Variants in GALNT13 observed in about 807,000 individuals in gnomAD.
GALNT13 encodes the protein UDP-GalNAc:polypeptide N-acetylgalactosaminyltransferase 13.
Under a neutral mutation model 64.2 loss-of-function variants are expected in GALNT13, and 28 were observed. The observed-to-expected ratio is 0.44, with a 90% confidence interval of 0.32 to 0.60. The LOEUF (loss-of-function observed/expected upper bound fraction) is 0.60, where lower values mean the gene tolerates loss of function less well. Among genes scored for constraint, GALNT13 ranks in the 20% least tolerant of loss-of-function variants. The probability of loss-of-function intolerance (pLI) is 0.05; values close to 1 mark genes in which losing one functional copy is unlikely to be tolerated. For synonymous variants in GALNT13, 214 were observed against 224.6 expected (o/e 0.95, Z 0.42); for missense variants, 577 against 669.8 (o/e 0.86, Z 1.53).
chr2:153,916,140 C>A (rs538279011), intron 2 of GALNT13, among the ~76,000 whole-genome samples: 1 of 139,508 alleles, frequency 7.2e-6, no homozygotes, highest in South Asian at 2.3e-4. Context: ...TCCTTCCTTC[C>A]TTCCTTCCTT....
At chr2:153,908,523 G>C (rs1400294732) in intron 2 of GALNT13, among the ~76,000 whole-genome samples, 1 of 151,936 alleles carries the variant, frequency 6.6e-6, no homozygotes, top group Non-Finnish European at 1.5e-5. Flanking sequence ...TATAGTTTTG[G>C]GTTTTACATT....
chr2:153,222,582 C>T, the GALNT13 span, among the ~76,000 whole-genome samples: 1 of 152,146 alleles, frequency 6.6e-6, no homozygotes, highest in Non-Finnish European at 1.5e-5. Flanking sequence ...ACATGTCATC[C>T]ATGGTCCACT....
chr2:153,234,404 AG>A, the GALNT13 span, among the ~76,000 whole-genome samples: 5 of 152,158 alleles, frequency 3.3e-5, no homozygotes, highest in Non-Finnish European at 2.9e-5. Flanking sequence ...CAGTGAGAGC[AG>A]GGCTGTGGCA....
At chr2:154,208,220 T>C (rs980132776) in intron 4 of GALNT13, among the ~76,000 whole-genome samples, 4 of 152,200 alleles carry the variant, frequency 2.6e-5, no homozygotes, top group African/African-American at 4.8e-5. Flanking sequence ...TAACTTGTTC[T>C]TTTTGTCTGG....
the GALNT13 span, among the ~76,000 whole-genome samples, chr2:153,541,417 CGACT>C: frequency 6.6e-6 from 1 of 152,062 alleles, no homozygotes; most frequent in African/African-American, 2.4e-5. Flanking sequence ...ATGGACTAAT[CGACT>C]GACTTTCTCT....
chr2:154,429,988 GA>G (rs1214819501), intron 11 of GALNT13, among the ~76,000 whole-genome samples: 1 of 151,874 alleles, frequency 6.6e-6, no homozygotes, highest in Non-Finnish European at 1.5e-5. Context: ...TATTTCTGAG[GA>G]AAAAAAGATT....
At chr2:153,716,404 T>C in the GALNT13 span, among the ~76,000 whole-genome samples, 1 of 152,160 alleles carries the variant, frequency 6.6e-6, no homozygotes, top group Non-Finnish European at 1.5e-5. Flanking sequence ...GTGTATTTTA[T>C]GAGTGACCCA....
chr2:153,542,198 T>A, the GALNT13 span, among the ~76,000 whole-genome samples: 44,877 of 151,844 alleles, frequency 0.3, 6,942 homozygotes, highest in South Asian at 0.45. Flanking sequence ...CACAGGTCTG[T>A]AATCCCAGCT....
At chr2:153,671,820 A>C in the GALNT13 span, among the ~76,000 whole-genome samples, 1 of 152,176 alleles carries the variant, frequency 6.6e-6, no homozygotes, top group Non-Finnish European at 1.5e-5. Flanking sequence ...TCATGTGCAA[A>C]GACACACGTA....
chr2:153,102,696 C>A, the GALNT13 span, among the ~76,000 whole-genome samples: 1 of 152,144 alleles, frequency 6.6e-6, no homozygotes. Context: ...CCCGAAACAG[C>A]TATTACTTAT....
chr2:154,204,314 C>T (rs1687325109), intron 4 of GALNT13, among the ~76,000 whole-genome samples: 1 of 151,902 alleles, frequency 6.6e-6, no homozygotes, highest in Non-Finnish European at 1.5e-5. Context: ...CAAGTTTTTC[C>T]CTCTAAAATA....
intron 3 of GALNT13, among the ~76,000 whole-genome samples, chr2:154,015,283 T>C (rs1696928759): frequency 6.6e-6 from 1 of 152,226 alleles, no homozygotes; most frequent in Non-Finnish European, 1.5e-5. Flanking sequence ...TAAGTTGTAT[T>C]TGAAAAAATA....
chr2:153,266,971 C>T, the GALNT13 span, among the ~76,000 whole-genome samples: 2 of 152,238 alleles, frequency 1.3e-5, no homozygotes, highest in African/African-American at 2.4e-5. Flanking sequence ...AAGTCAGTTA[C>T]TTCCAAGATA....
chr2:154,098,746 G>T (rs1702197900), intron 3 of GALNT13, among the ~76,000 whole-genome samples: 1 of 151,966 alleles, frequency 6.6e-6, no homozygotes, highest in Non-Finnish European at 1.5e-5. Context: ...TGCTGCAAAG[G>T]ACATGATTTT....
chr2:153,228,418 T>C, the GALNT13 span, among the ~76,000 whole-genome samples: 1 of 152,222 alleles, frequency 6.6e-6, no homozygotes, highest in Non-Finnish European at 1.5e-5. Context: ...TATATTACAA[T>C]GATACAGACA....
At chr2:153,918,440 A>G (rs1689539599) in intron 2 of GALNT13, among the ~76,000 whole-genome samples, 1 of 151,996 alleles carries the variant, frequency 6.6e-6, no homozygotes, top group African/African-American at 2.4e-5. Context: ...CCACAGTTTC[A>G]TTTTCATAGC....
chr2:154,015,019 A>G (rs1339810737), intron 3 of GALNT13, among the ~76,000 whole-genome samples: 1 of 152,232 alleles, frequency 6.6e-6, no homozygotes, highest in African/African-American at 2.4e-5. Context: ...ATTGAATAGA[A>G]AAATAAAACA....
At chr2:153,647,598 G>C in the GALNT13 span, among the ~76,000 whole-genome samples, 3 of 152,102 alleles carry the variant, frequency 2.0e-5, no homozygotes, top group Non-Finnish European at 4.4e-5. Context: ...TATGGTTTTA[G>C]GTCTAACATT....
the GALNT13 span, among the ~76,000 whole-genome samples, chr2:153,635,836 A>C: frequency 7.7e-4 from 118 of 152,264 alleles, 1 homozygote; most frequent in Non-Finnish European, 1.5e-3. Context: ...ATTTCTTTCT[A>C]GTATCATGTT....
Sources: gnomAD v4.1 joint callset for allele counts (sites outside exome capture counted in the v4.1 genomes callset) on GRCh38, gnomAD v4.1.1 for gene constraint, MANE v1.5 for transcripts, NCBI Gene and HGNC (gene_info 2026-07-23, HGNC 2026-07-21) for gene names.